IGF2BP1: variants seen among roughly 807,000 people sequenced by gnomAD.
The protein encoded by IGF2BP1 is insulin like growth factor 2 mRNA binding protein 1, also known as insulin-like growth factor 2 mRNA-binding protein 1.
Under a neutral mutation model 74.9 loss-of-function variants are expected in IGF2BP1, and 11 were observed. That is an observed-to-expected ratio of 0.15 (90% CI 0.09 to 0.24). IGF2BP1 has a LOEUF of 0.24. Among genes scored for constraint, IGF2BP1 ranks in the 10% least tolerant of loss-of-function variants. The pLI is 1.00. For synonymous variants in IGF2BP1, 287 were observed against 281.8 expected (o/e 1.02, Z -0.18); for missense variants, 440 against 757.4 (o/e 0.58, Z 4.92).
chr17:49,019,928 A>ATT (rs1567815728), intron 2 of IGF2BP1, among the ~76,000 whole-genome samples: 3 of 63,542 alleles, frequency 4.7e-5, no homozygotes, highest in South Asian at 8.6e-4. Flanking sequence ...ATATATATAT[A>ATT]TATATATATA....
chr17:49,010,262 T>C (rs2041600317), intron 2 of IGF2BP1, among the ~76,000 whole-genome samples: 1 of 151,340 alleles, frequency 6.6e-6, no homozygotes. Context: ...ATTCAAAAAA[T>C]GGCCATTTAA....
intron 14 of IGF2BP1, among the ~76,000 whole-genome samples, chr17:49,047,266 G>A (rs67892095): frequency 0.084 from 12,838 of 151,984 alleles, 623 homozygotes; most frequent in Non-Finnish European, 0.11. Context: ...CCTTGGATAA[G>A]TAACTTTCTC....
intron 2 of IGF2BP1, among the ~76,000 whole-genome samples, chr17:49,015,872 A>C (rs1303043745): frequency 2.0e-5 from 3 of 152,156 alleles, no homozygotes; most frequent in African/African-American, 7.2e-5. Flanking sequence ...GCTTGACCCC[A>C]CCGCCACTTA....
At chr17:49,011,137 C>CAAAAAAAA (rs61620827) in intron 2 of IGF2BP1, among the ~76,000 whole-genome samples, 81 of 57,302 alleles carry the variant, frequency 1.4e-3, no homozygotes, top group African/African-American at 1.6e-3. Context: ...GACTCTGTCT[C>CAAAAAAAA]AAAAAAAAAA....
At chr17:49,047,396 G>A (rs759065911) in intron 14 of IGF2BP1, among the ~76,000 whole-genome samples, 26 of 151,770 alleles carry the variant, frequency 1.7e-4, no homozygotes, top group Non-Finnish European at 3.5e-4. Flanking sequence ...AAGATTTATC[G>A]ATGCCTTTGT....
Position 48,997,419 on chromosome 17 carries a change from G to T in IGF2BP1, c.-327G>T. On this transcript the variant is annotated 5_prime_UTR_variant, in exon 1 of 15. It adds an upstream start codon to the 5' untranslated region. Coordinates refer to ENST00000290341, the MANE Select transcript of IGF2BP1 (RefSeq NM_006546.4). The surrounding 1 kb of genome is among the most constrained non-coding windows in gnomAD (Gnocchi z 4.8). ...TTTTTTCAAGTCGATTTTATTTAGA[G>T]GCGGCGCCAGGGCGGCCGCGGAGAA... is the stretch of plus-strand genomic sequence containing the variant. 3 of 182,542 alleles carry T rather than the reference G, an allele frequency of 1.6e-5. No homozygotes were observed. The highest frequency in any genetic ancestry group is 6.4e-5 in the Admixed American group (1 of 15,642). The allele number at this position is 182,542 out of a possible 1,614,324, so 11.3% of individuals were successfully genotyped here.
intron 5 of IGF2BP1, 81 bp downstream of exon 5, chr17:49,032,054 C>T (rs1329655301): frequency 1.6e-6 from 2 of 1,286,176 alleles, no homozygotes; most frequent in Non-Finnish European, 2.3e-6. Context: ...CCACTTTTTC[C>T]TCAGGGGGGT....
At chr17:49,044,226 AG>A in intron 11 of IGF2BP1, 140 bp downstream of exon 11, 3 of 1,259,658 alleles carry the variant, frequency 2.4e-6, no homozygotes, top group Non-Finnish European at 3.3e-6. Context: ...ATGGAATCGA[AG>A]TCCTCTTTGT....
chr17:49,019,938 A>ATATATATATATATATATATT (rs1555597792), intron 2 of IGF2BP1, among the ~76,000 whole-genome samples: 20 of 57,352 alleles, frequency 3.5e-4, no homozygotes, highest in Admixed American at 9.4e-4. Flanking sequence ...ATATATATAT[A>ATATATATATATATATATATT]TATATATATA....
intron 14 of IGF2BP1, among the ~76,000 whole-genome samples, chr17:49,048,509 C>T (rs1330547053): frequency 2.6e-5 from 4 of 151,758 alleles, no homozygotes; most frequent in African/African-American, 9.7e-5. Context: ...CGCCTCAGCT[C>T]CCCAAAGCGC....
At chr17:49,024,019 C>A (rs888051390) in intron 2 of IGF2BP1, among the ~76,000 whole-genome samples, 1 of 149,464 alleles carries the variant, frequency 6.7e-6, no homozygotes, top group Non-Finnish European at 1.5e-5. Flanking sequence ...CTGGTTCAAG[C>A]GATCCTCCTG....
chr17:49,033,693 G>A (rs995952494), intron 5 of IGF2BP1, among the ~76,000 whole-genome samples: 4 of 152,106 alleles, frequency 2.6e-5, no homozygotes, highest in African/African-American at 4.8e-5. Flanking sequence ...GATGATGCTT[G>A]TGCCCTCCCT....
chr17:49,047,595 A>G (rs58437825), intron 14 of IGF2BP1, among the ~76,000 whole-genome samples: 4,575 of 152,188 alleles, frequency 0.03, 109 homozygotes, highest in East Asian at 0.11. Flanking sequence ...CACTGAAGCA[A>G]TTTTAGCTGA....
intron 2 of IGF2BP1, among the ~76,000 whole-genome samples, chr17:49,016,057 G>A (rs990227708): frequency 4.6e-5 from 7 of 152,194 alleles, no homozygotes; most frequent in Non-Finnish European, 2.9e-5. Context: ...AATTAGAGCC[G>A]CATGCAGTAA....
chr17:48,998,629 A>C (rs971025201), intron 1 of IGF2BP1, among the ~76,000 whole-genome samples: 1 of 150,934 alleles, frequency 6.6e-6, no homozygotes, highest in Non-Finnish European at 1.5e-5. Context: ...CCCCAGGTCC[A>C]CCCCTTCCCA....
chr17:49,004,030 C>T (rs917307621), intron 2 of IGF2BP1, among the ~76,000 whole-genome samples: 2 of 152,078 alleles, frequency 1.3e-5, no homozygotes, highest in Non-Finnish European at 2.9e-5. Context: ...TCCTGGAGCG[C>T]TCGCCCCGGC....
chr17:49,027,521 G>T (rs1179132288), intron 4 of IGF2BP1, among the ~76,000 whole-genome samples: 3 of 152,090 alleles, frequency 2.0e-5, no homozygotes, highest in Non-Finnish European at 4.4e-5. Flanking sequence ...TGAAGAGTAG[G>T]CCCACAGAAG....
At chr17:49,011,562 C>T (rs114317522) in intron 2 of IGF2BP1, among the ~76,000 whole-genome samples, 176 of 152,084 alleles carry the variant, frequency 1.2e-3, no homozygotes, top group African/African-American at 4.1e-3. Context: ...AAGTTGAGCT[C>T]TCTTAGAAGG....
At chr17:49,035,583 A>T (rs1310594648) in intron 5 of IGF2BP1, among the ~76,000 whole-genome samples, 1 of 152,148 alleles carries the variant, frequency 6.6e-6, no homozygotes, top group East Asian at 1.9e-4. Flanking sequence ...CTCCCCACAC[A>T]CATGTGGGGC....
Sources: allele counts gnomAD v4.1 joint callset (sites outside exome capture counted in the v4.1 genomes callset), GRCh38; gene constraint gnomAD v4.1.1; non-coding constraint Gnocchi (gnomAD v3.1); transcripts MANE v1.5; gene names NCBI Gene and HGNC (gene_info 2026-07-23, HGNC 2026-07-21).